NSL1: variants seen among roughly 807,000 people sequenced by gnomAD.
The protein encoded by NSL1 is NSL1 component of MIS12 kinetochore complex.
A neutral mutation model predicts 25.4 loss-of-function variants in NSL1; 11 were observed. The ratio of observed to expected loss-of-function variants is 0.43; its 90% CI spans 0.27 to 0.72. The LOEUF (loss-of-function observed/expected upper bound fraction) is 0.72, where lower values mean the gene tolerates loss of function less well. NSL1 is among the 30% of genes least tolerant of loss of function. The probability of loss-of-function intolerance (pLI) is 0.19; values close to 1 mark genes in which losing one functional copy is unlikely to be tolerated. For synonymous variants in NSL1, 118 were observed against 120.6 expected (o/e 0.98, Z 0.14); for missense variants, 330 against 342.7 (o/e 0.96, Z 0.29).
At chr1:212,766,135 CAAA>C in intron 4 of NSL1, 21 of 279,444 alleles carry the variant, frequency 7.5e-5, no homozygotes, top group South Asian at 2.5e-4. Flanking sequence ...GACTCCATCT[CAAA>C]AAAAAAAAAA....
At chr1:212,741,462 C>T (rs1165244957) in intron 4 of NSL1, among the ~76,000 whole-genome samples, 1 of 152,132 alleles carries the variant, frequency 6.6e-6, no homozygotes, top group South Asian at 2.1e-4. Context: ...GCGATTTCCC[C>T]CTTGGTACTG....
Position 212,727,443 on chromosome 1 carries a change from T to A in NSL1, c.*10965A>T. 1 of 985,344 alleles carries A rather than the reference T, an allele frequency of 1.0e-6. No homozygotes were observed. The highest frequency in any genetic ancestry group is 1.2e-6 in the Non-Finnish European group (1 of 829,920). 61.0% of individuals were successfully genotyped at this position (985,344 alleles called of 1,614,324 possible). ...TCCTTGTAACAGACATTACCTAAAT[T>A]TGGAAAAGTGACACAATTTCAAGCA... On this transcript the variant is annotated 3_prime_UTR_variant, in exon 6 of 6. Coordinates refer to ENST00000366977, the MANE Select transcript of NSL1 (RefSeq NM_015471.4).
chr1:212,727,386 G>C lies in NSL1; in HGVS notation c.*11022C>G. On this transcript the variant is annotated 3_prime_UTR_variant, in exon 6 of 6. Coordinates refer to ENST00000366977, the MANE Select transcript of NSL1 (RefSeq NM_015471.4). ...GAAGGTCACTTAACCAGGGAAATAA[G>C]TATCAGTCAAGTTAATGTTTCCAAA... 1 of 985,308 alleles carries C rather than the reference G, an allele frequency of 1.0e-6. No individual in the cohort carries two copies. The highest frequency in any genetic ancestry group is 1.2e-6 in the Non-Finnish European group (1 of 829,866). 61.0% of individuals were successfully genotyped at this position (985,308 alleles called of 1,614,324 possible). A position where few individuals can be genotyped will look rare whatever the true frequency, so the allele number is the denominator to read the frequency against.
At chr1:212,787,278 C>T (rs1660987258) in intron 2 of NSL1, among the ~76,000 whole-genome samples, 1 of 152,094 alleles carries the variant, frequency 6.6e-6, no homozygotes, top group African/African-American at 2.4e-5. Flanking sequence ...CTTCACTATT[C>T]ACTCTAGAGA....
intron 4 of NSL1, among the ~76,000 whole-genome samples, chr1:212,759,663 C>T (rs899423505): frequency 1.3e-5 from 2 of 152,122 alleles, no homozygotes; most frequent in African/African-American, 4.8e-5. Flanking sequence ...CTGTATCCTT[C>T]CCTAGGGCCC....
In NSL1 at chr1:212,784,391, T is replaced by C. The variant is rs1296283632; in HGVS notation, c.416A>G (p.Lys139Arg). ...AATTTCTTGTTTTGCTTTTATGGTT[T>C]TGATGACACATTCCAGGATCTTTCT... is the stretch of plus-strand genomic sequence containing the variant. The part of the protein sequence containing the change: ...YPRKILECVI[K>R]TIKAKQEILK... Residue 139 changes from lysine (K) to arginine (R), a missense_variant, in exon 3 of 6, where the codon AAA (lysine) becomes AGA (arginine). Transcript: ENST00000366977. 1 of 1,588,514 alleles carries C rather than the reference T, an allele frequency of 6.3e-7. No individual in the cohort carries two copies.
Position 212,727,866 on chromosome 1 carries a change from T to C in NSL1, c.*10542A>G. ...TAACTGCTGGGAAATTTAAAAATGT[T>C]TGTTGATACTCTCTGTTGCTATGTG... On this transcript the variant is annotated 3_prime_UTR_variant, in exon 6 of 6. Coordinates refer to ENST00000366977, the MANE Select transcript of NSL1 (RefSeq NM_015471.4). The C allele has an allele frequency of 5.1e-6, 5 of 985,256 alleles. No homozygotes were observed. Among genetic ancestry groups the C allele is most frequent in the Non-Finnish European group, 6.0e-6 (5 of 829,744 alleles). 61.0% of individuals were successfully genotyped at this position (985,256 alleles called of 1,614,324 possible). A position where few individuals can be genotyped will look rare whatever the true frequency, so the allele number is the denominator to read the frequency against.
At chr1:212,741,402 T>C (rs1289588527) in intron 4 of NSL1, among the ~76,000 whole-genome samples, 3 of 152,198 alleles carry the variant, frequency 2.0e-5, no homozygotes, top group Non-Finnish European at 2.9e-5. Flanking sequence ...TGTCGAATCA[T>C]AATCCCAATG....
At position 212,727,397 on chromosome 1, in the gene NSL1, G is replaced by A. The variant is rs1305173073; in HGVS notation, c.*11011C>T. On this transcript the variant is annotated 3_prime_UTR_variant, in exon 6 of 6. Coordinates refer to ENST00000366977, the MANE Select transcript of NSL1 (RefSeq NM_015471.4). ...AACCAGGGAAATAAGTATCAGTCAAGTTAATGTTTCCAAAATATACTCCTT... is the reference window on the plus strand; with the variant it reads ...AACCAGGGAAATAAGTATCAGTCAAATTAATGTTTCCAAAATATACTCCTT... 3 of 985,210 alleles carry A rather than the reference G, an allele frequency of 3.0e-6. No individual in the cohort carries two copies. Among genetic ancestry groups the A allele is most frequent in the Non-Finnish European group, 3.6e-6 (3 of 829,900 alleles). The allele number at this position is 985,210 out of a possible 1,614,324, so 61.0% of individuals were successfully genotyped here.
At position 212,733,225 on chromosome 1, in the gene NSL1, C is replaced by T. The variant is rs372200145; in HGVS notation, c.*5183G>A. On this transcript the variant is annotated 3_prime_UTR_variant, in exon 6 of 6. Coordinates refer to ENST00000366977, the MANE Select transcript of NSL1 (RefSeq NM_015471.4). ...GGCAGAGGTGGGCGGATCGCTTGAG[C>T]TCACGAGTTTGAGACCAGCCACATA... is the stretch of plus-strand genomic sequence containing the variant. 7.2e-5 allele frequency among the ~76,000 whole-genome samples: 11 copies of T among 152,108 alleles called. No homozygotes were observed. The East Asian group carries it at 1.5e-3, about 21-fold the overall frequency.
chr1:212,766,149 CA>C (rs56244506), intron 4 of NSL1: 4 of 414,408 alleles, frequency 9.7e-6, no homozygotes, highest in South Asian at 3.5e-5. Context: ...AAAAAAAAAA[CA>C]AAAAAACCCT....
At position 212,730,920 on chromosome 1, in the gene NSL1, A is replaced by C. The variant is rs911550580; in HGVS notation, c.*7488T>G. On this transcript the variant is annotated 3_prime_UTR_variant, in exon 6 of 6. Coordinates refer to ENST00000366977, the MANE Select transcript of NSL1 (RefSeq NM_015471.4). Reference sequence around the variant, plus strand: ...GAGATTGTGATCCAGGGAAACCGACAAGTTAGAAATTTGCAATATGAACTC... The same window carrying C: ...GAGATTGTGATCCAGGGAAACCGACCAGTTAGAAATTTGCAATATGAACTC... 10 of 985,026 alleles carry C rather than the reference A, an allele frequency of 1.0e-5. No individual in the cohort carries two copies. The Admixed American group carries it at 3.1e-4, about 30-fold the overall frequency. The allele number at this position is 985,026 out of a possible 1,614,324, so 61.0% of individuals were successfully genotyped here. A position where few individuals can be genotyped will look rare whatever the true frequency, so the allele number is the denominator to read the frequency against.
intron 4 of NSL1, among the ~76,000 whole-genome samples, chr1:212,752,667 T>A (rs949777523): frequency 1.3e-5 from 2 of 152,200 alleles, no homozygotes; most frequent in Admixed American, 6.5e-5. Context: ...ATCAGTAGAT[T>A]GCTATAAGGA....
intron 4 of NSL1, among the ~76,000 whole-genome samples, chr1:212,780,805 AACT>A (rs1253017473): frequency 1.1e-4 from 16 of 152,160 alleles, no homozygotes; most frequent in Admixed American, 2.0e-4. Context: ...TATCCTTATA[AACT>A]ACTAGTCATG....
At chr1:212,762,386 C>A (rs1469715747) in intron 4 of NSL1, among the ~76,000 whole-genome samples, 3 of 151,480 alleles carry the variant, frequency 2.0e-5, no homozygotes, top group Non-Finnish European at 2.9e-5. Flanking sequence ...CTGCATAAGG[C>A]CCATGGATCA....
In NSL1 at chr1:212,738,486, C is replaced by T; in HGVS notation, c.768G>A (p.Leu256=). The T allele has an allele frequency of 6.2e-7, 1 of 1,614,078 alleles. No individual in the cohort carries two copies. The highest frequency in any genetic ancestry group is 8.5e-7 in the Non-Finnish European group (1 of 1,179,998). ...GGCAGTCTTTAGTTTGCTTTCTTTT[C>T]AGTACCATGTCAGAGGTTTTCCTGG... The part of the protein sequence containing the change: ...TASRKTSDMV[L]KRKQTKDCPQ... The change falls in exon 6 of 6, where the codon CTG becomes CTA. Residue 256 remains leucine, a synonymous_variant. Transcript: ENST00000366977.
In NSL1 at chr1:212,736,444, T is replaced by G. The variant is rs1292799611; in HGVS notation, c.*1964A>C. ...TTCCAATTCCTTAAAACTACAGACT[T>G]TCTTGCTTTTAATCCTTAGCTTACT... On this transcript the variant is annotated 3_prime_UTR_variant, in exon 6 of 6. Coordinates refer to ENST00000366977, the MANE Select transcript of NSL1 (RefSeq NM_015471.4). 2.6e-5 allele frequency: 26 copies of G among 985,248 alleles called. No homozygotes were observed. Among genetic ancestry groups the G allele is most frequent in the Non-Finnish European group, 2.9e-5 (24 of 829,856 alleles). The allele number at this position is 985,248 out of a possible 1,614,324, so 61.0% of individuals were successfully genotyped here.
At chr1:212,783,653 C>A (rs1395294088) in intron 3 of NSL1, among the ~76,000 whole-genome samples, 2 of 152,184 alleles carry the variant, frequency 1.3e-5, no homozygotes. Flanking sequence ...CTATTCCCAG[C>A]AAACCTCCCC....
At chr1:212,785,070 T>C (rs1227864063) in intron 2 of NSL1, among the ~76,000 whole-genome samples, 6 of 152,094 alleles carry the variant, frequency 3.9e-5, no homozygotes, top group South Asian at 2.1e-4. Flanking sequence ...ATAAAATATA[T>C]AAGAACCAGG....
Sources: allele counts gnomAD v4.1 joint callset (sites outside exome capture counted in the v4.1 genomes callset), GRCh38; gene constraint gnomAD v4.1.1; transcripts MANE v1.5; gene names NCBI Gene and HGNC (gene_info 2026-07-23, HGNC 2026-07-21).